The following EPHA5 variants were observed in gnomAD, a reference collection of about 807,000 sequenced individuals.
EPHA5 encodes the protein ephrin type-A receptor 5.
EPHA5 carries 60 observed loss-of-function variants against 105.0 expected under a neutral mutation model. The observed-to-expected ratio is 0.57, with a 90% CI of 0.46 to 0.71. The LOEUF is 0.71. Among genes scored for constraint, EPHA5 ranks in the 30% least tolerant of loss-of-function variants. EPHA5 has a pLI of 0.00. For synonymous variants in EPHA5, 513 were observed against 449.1 expected, an observed-to-expected ratio of 1.14 and a Z score of -1.80; for missense variants, 1,218 against 1,274.7, an observed-to-expected ratio of 0.96 and a Z score of 0.68.
chr4:65,510,209 T>A (rs201463545), intron 3 of EPHA5, among the ~76,000 whole-genome samples: 133,877 of 146,350 alleles, frequency 0.91, 61,375 homozygotes, highest in South Asian at 0.97. Flanking sequence ...TAATTTTGTG[T>A]TTTTTTTTTT....
At chr4:65,550,827 C>T (rs1737825644) in intron 3 of EPHA5, among the ~76,000 whole-genome samples, 1 of 152,062 alleles carries the variant, frequency 6.6e-6, no homozygotes, top group Admixed American at 6.6e-5. Flanking sequence ...CAGAGCCAGA[C>T]TCCTTCTCAA....
intron 5 of EPHA5, among the ~76,000 whole-genome samples, chr4:65,486,578 G>T (rs945700146): frequency 6.6e-6 from 1 of 152,132 alleles, no homozygotes; most frequent in East Asian, 1.9e-4. Flanking sequence ...ATCTTTGGAG[G>T]ATCTCAAAAC....
intron 5 of EPHA5, among the ~76,000 whole-genome samples, chr4:65,482,757 G>A (rs1341235934): frequency 1.3e-5 from 2 of 152,012 alleles, no homozygotes; most frequent in African/African-American, 4.8e-5. Context: ...GGTTACTCTT[G>A]AAGAAGGACT....
chr4:65,498,068 A>G (rs1409392820), intron 3 of EPHA5, among the ~76,000 whole-genome samples: 2 of 152,032 alleles, frequency 1.3e-5, no homozygotes, highest in Non-Finnish European at 2.9e-5. Flanking sequence ...GTCTCTGCTT[A>G]TATTTGAAAG....
At chr4:65,556,100 T>C (rs1425014662) in intron 3 of EPHA5, among the ~76,000 whole-genome samples, 1 of 152,182 alleles carries the variant, frequency 6.6e-6, no homozygotes. Flanking sequence ...GAAAGATCTA[T>C]ACCCTAGATA....
At chr4:65,428,382 GTAAC>G (rs1342310487) in intron 5 of EPHA5, among the ~76,000 whole-genome samples, 5 of 152,076 alleles carry the variant, frequency 3.3e-5, no homozygotes, top group African/African-American at 1.2e-4. Context: ...GCCAGGAAAA[GTAAC>G]TAACAGTGCA....
intron 2 of EPHA5, among the ~76,000 whole-genome samples, chr4:65,617,400 C>T (rs74568130): frequency 2.6e-5 from 4 of 151,986 alleles, no homozygotes; most frequent in Non-Finnish European, 2.9e-5. Flanking sequence ...ATATTTAATA[C>T]CTGTTGGCTG....
chr4:65,417,639 G>A (rs994641680), intron 6 of EPHA5, among the ~76,000 whole-genome samples: 1 of 151,548 alleles, frequency 6.6e-6, no homozygotes, highest in Non-Finnish European at 1.5e-5. Context: ...CTTAATTTGA[G>A]TTATACAGAT....
At chr4:65,470,627 G>A (rs1297060881) in intron 5 of EPHA5, among the ~76,000 whole-genome samples, 3 of 152,140 alleles carry the variant, frequency 2.0e-5, no homozygotes, top group Non-Finnish European at 2.9e-5. Flanking sequence ...CTTTAAAGGC[G>A]ATAAAGTAAT....
intron 2 of EPHA5, among the ~76,000 whole-genome samples, chr4:65,610,183 A>T (rs1448007859): frequency 1.3e-5 from 2 of 152,190 alleles, no homozygotes; most frequent in Non-Finnish European, 2.9e-5. Flanking sequence ...TATATGGAAT[A>T]GTCTAATACA....
intron 2 of EPHA5, among the ~76,000 whole-genome samples, chr4:65,622,980 C>T (rs566056043): frequency 6.6e-6 from 1 of 152,044 alleles, no homozygotes; most frequent in African/African-American, 2.4e-5. Flanking sequence ...AGTTTAAGAG[C>T]ATATATTCAT....
chr4:65,505,616 A>T (rs1732931808), intron 3 of EPHA5, among the ~76,000 whole-genome samples: 1 of 152,094 alleles, frequency 6.6e-6, no homozygotes. Flanking sequence ...ATATTGAGAA[A>T]ATGCACTCTC....
intron 8 of EPHA5, among the ~76,000 whole-genome samples, chr4:65,388,441 A>G (rs1258992122): frequency 6.6e-6 from 1 of 150,432 alleles, no homozygotes; most frequent in Non-Finnish European, 1.5e-5. Flanking sequence ...CCAACAGTGT[A>G]AAAGTGTTCC....
chr4:65,331,269 C>G, intron 16 of EPHA5: 1 of 1,029,626 alleles, frequency 9.7e-7, no homozygotes, highest in Non-Finnish European at 1.2e-6. Flanking sequence ...GCTAAAACAA[C>G]CACATGTACA....
chr4:65,613,581 A>AT (rs1156920709), intron 2 of EPHA5, among the ~76,000 whole-genome samples: 2 of 151,816 alleles, frequency 1.3e-5, no homozygotes, highest in African/African-American at 4.8e-5. Context: ...CCCTGTAGAG[A>AT]TTTTTTTAGC....
intron 8 of EPHA5, among the ~76,000 whole-genome samples, chr4:65,387,413 G>T (rs1300353329): frequency 1.3e-5 from 2 of 151,968 alleles, no homozygotes; most frequent in African/African-American, 4.8e-5. Flanking sequence ...CAATTTATTG[G>T]ATGAAGATTT....
intron 11 of EPHA5, among the ~76,000 whole-genome samples, chr4:65,360,284 A>C (rs189208479): frequency 6.6e-6 from 1 of 151,706 alleles, no homozygotes; most frequent in Admixed American, 6.6e-5. Flanking sequence ...CAGTCGGTTT[A>C]ATCTCTGCTA....
At chr4:65,475,314 T>A (rs951884721) in intron 5 of EPHA5, among the ~76,000 whole-genome samples, 1 of 152,334 alleles carries the variant, frequency 6.6e-6, no homozygotes, top group South Asian at 2.1e-4. Flanking sequence ...ACTTCATGTG[T>A]GAATGCATGG....
At chr4:65,545,467 A>G (rs976002200) in intron 3 of EPHA5, among the ~76,000 whole-genome samples, 3 of 151,970 alleles carry the variant, frequency 2.0e-5, no homozygotes, top group African/African-American at 7.2e-5. Flanking sequence ...CCAAGTTTTG[A>G]AAAGTGCTTA....
Sources: gnomAD v4.1 joint callset for allele counts (sites outside exome capture counted in the v4.1 genomes callset) on GRCh38, gnomAD v4.1.1 for gene constraint, MANE v1.5 for transcripts, NCBI Gene and HGNC (gene_info 2026-07-23, HGNC 2026-07-21) for gene names.